SRGAP2: variants seen among roughly 807,000 people sequenced by gnomAD.
SRGAP2 encodes SLIT-ROBO Rho GTPase-activating protein 2.
SRGAP2 carries 15 observed loss-of-function variants against 57.2 expected under a neutral mutation model. That is an observed-to-expected ratio of 0.26 (90% CI 0.18 to 0.40). The LOEUF (loss-of-function observed/expected upper bound fraction) is 0.40. Ranked by LOEUF, SRGAP2 falls within the 10% of genes least tolerant of loss-of-function variation. The pLI is 1.00. For synonymous variants in SRGAP2, 249 were observed against 248.0 expected (o/e 1.00, Z -0.04); for missense variants, 520 against 669.6 (o/e 0.78, Z 2.47).
intron 2 of SRGAP2, among the ~76,000 whole-genome samples, chr1:206,285,757 T>A (rs1670989110): frequency 6.6e-6 from 1 of 151,354 alleles, no homozygotes; most frequent in African/African-American, 2.4e-5. Context: ...AATCTTTGCC[T>A]TGTGGGCTCA....
At chr1:206,223,111 T>G (rs1427472083) in intron 2 of SRGAP2, among the ~76,000 whole-genome samples, 1 of 150,974 alleles carries the variant, frequency 6.6e-6, no homozygotes, top group African/African-American at 2.4e-5. Flanking sequence ...GAGACAACTC[T>G]TTTAGGCCAT....
intron 21 of SRGAP2, among the ~76,000 whole-genome samples, chr1:206,457,607 A>G (rs1301283079): frequency 6.6e-6 from 1 of 152,154 alleles, no homozygotes; most frequent in Admixed American, 6.5e-5. Context: ...GAGTGGACAG[A>G]CTCACGGAGT....
At chr1:206,455,457 CAG>C (rs1553378098) in intron 21 of SRGAP2, 2 of 220,130 alleles carry the variant, frequency 9.1e-6, no homozygotes, top group Admixed American at 1.1e-4. Context: ...TGCAAAGATT[CAG>C]AGTCTGTGTG....
At chr1:206,355,486 C>G (rs1338502529) in intron 4 of SRGAP2, among the ~76,000 whole-genome samples, 3 of 151,740 alleles carry the variant, frequency 2.0e-5, no homozygotes, top group African/African-American at 4.8e-5. Context: ...ATAGTCTGAC[C>G]CTTCCATTTT....
chr1:206,221,391 A>AT (rs541951668), intron 2 of SRGAP2, among the ~76,000 whole-genome samples: 8,721 of 149,618 alleles, frequency 0.058, 833 homozygotes, highest in African/African-American at 0.2. Context: ...CAAAGAAACC[A>AT]TTTTTTTTTT....
At chr1:206,322,397 C>A (rs1353725984) in intron 3 of SRGAP2, among the ~76,000 whole-genome samples, 1 of 149,480 alleles carries the variant, frequency 6.7e-6, no homozygotes, top group African/African-American at 2.5e-5. Flanking sequence ...CACGGTGAAA[C>A]CCTGTCTCTA....
intron 2 of SRGAP2, among the ~76,000 whole-genome samples, chr1:206,302,444 A>G (rs1671926840): frequency 1.3e-5 from 2 of 151,626 alleles, no homozygotes; most frequent in African/African-American, 2.4e-5. Flanking sequence ...AGAAATCTGC[A>G]TGCTAGAGCT....
At chr1:206,302,220 A>T (rs1671912605) in intron 2 of SRGAP2, among the ~76,000 whole-genome samples, 1 of 137,610 alleles carries the variant, frequency 7.3e-6, no homozygotes, top group Non-Finnish European at 1.5e-5. Context: ...TCAGATGGGG[A>T]TTGGGACATA....
At chr1:206,240,977 A>G (rs1313166887) in intron 2 of SRGAP2, among the ~76,000 whole-genome samples, 26 of 152,278 alleles carry the variant, frequency 1.7e-4, no homozygotes, top group African/African-American at 6.3e-4. Context: ...TGAACCCAGG[A>G]GTTCGAGAGC....
rs1659430835 is a variant in SRGAP2, at chr1:206,413,846, TACAC to T, written c.1357-2039_1357-2036del. Among the ~76,000 whole-genome samples the T allele has an allele frequency of 4.6e-5, 7 of 152,258 alleles. No individual in the cohort carries two copies. In the South Asian group the frequency reaches 1.5e-3, roughly 32 times the overall value. On this transcript the variant is annotated intron_variant, in intron 10 of 22. Coordinates refer to ENST00000573034, the MANE Select transcript of SRGAP2 (RefSeq NM_015326.5). ...AGTGCTGTCATGGAGATTTGCATGGTACACACAGGACCATCTGGGTGAACATGGG... is the reference window on the plus strand; with the variant it reads ...AGTGCTGTCATGGAGATTTGCATGGTACAGGACCATCTGGGTGAACATGGG...
At chr1:206,373,023 TTCTTTTCTTTCTC>T (rs1654835282) in intron 4 of SRGAP2, among the ~76,000 whole-genome samples, 1 of 128,878 alleles carries the variant, frequency 7.8e-6, no homozygotes, top group Admixed American at 8.3e-5. Flanking sequence ...CTTTCTTTCT[TTCTTTTCTTTCTC>T]TCTCTCTCTC....
chr1:206,255,930 TC>T (rs1222872468), intron 2 of SRGAP2, among the ~76,000 whole-genome samples: 1 of 148,798 alleles, frequency 6.7e-6, no homozygotes, highest in Non-Finnish European at 1.5e-5. Flanking sequence ...ATGTGTTCGC[TC>T]CAGTCCTTGT....
At chr1:206,432,149 G>T (rs1553368501) in intron 14 of SRGAP2, among the ~76,000 whole-genome samples, 1 of 152,236 alleles carries the variant, frequency 6.6e-6, no homozygotes, top group African/African-American at 2.4e-5. Flanking sequence ...GCCTGAGGAA[G>T]ACATGATGGC....
chr1:206,424,237 C>T (rs1456062032), intron 13 of SRGAP2, among the ~76,000 whole-genome samples: 1 of 151,966 alleles, frequency 6.6e-6, no homozygotes, highest in African/African-American at 2.4e-5. Flanking sequence ...CTTAAAGGCC[C>T]CTTCTAACCC....
chr1:206,394,759 GC>G (rs1657406185), intron 7 of SRGAP2, among the ~76,000 whole-genome samples: 1 of 151,844 alleles, frequency 6.6e-6, no homozygotes, highest in African/African-American at 2.4e-5. Context: ...GTTATTCTTG[GC>G]CTTGTTTTTC....
intron 13 of SRGAP2, among the ~76,000 whole-genome samples, chr1:206,425,440 A>G (rs555435817): frequency 6.6e-6 from 1 of 152,298 alleles, no homozygotes; most frequent in African/African-American, 2.4e-5. Context: ...ATTATTAACT[A>G]TTATTATCCT....
rs71152469 is a variant in SRGAP2 at position 206,423,951 on chromosome 1, T to TG, written c.1494+2677_1494+2678insG. ...CACCACGCCTGGCTAATTTATGTAT[T>TG]TTTTTTTTTTTTTTTTTTTTTTATA... On this transcript the variant is annotated intron_variant, in intron 13 of 22. Coordinates refer to ENST00000573034, the MANE Select transcript of SRGAP2 (RefSeq NM_015326.5). 2.0e-3 allele frequency among the ~76,000 whole-genome samples: 236 copies of TG among 118,420 alleles called. 1 individual carries two copies. Among genetic ancestry groups the TG allele is most frequent in the African/African-American group, 9.0e-3 (213 of 23,546 alleles). 77.7% of individuals were successfully genotyped at this position (118,420 alleles called of 152,430 possible).
At chr1:206,456,520 A>T in intron 21 of SRGAP2, among the ~76,000 whole-genome samples, 1 of 152,224 alleles carries the variant, frequency 6.6e-6, no homozygotes, top group East Asian at 1.9e-4. Flanking sequence ...AGAGTTAGAT[A>T]ATTAGTTAAG....
intron 14 of SRGAP2, 118 bp from the exon 15 acceptor site, chr1:206,436,847 G>A (rs1661803760): frequency 1.4e-6 from 1 of 724,868 alleles, no homozygotes; most frequent in African/African-American, 1.7e-5. Flanking sequence ...GCCTAAAGAA[G>A]AGAGACAGCG....
Sources: gnomAD v4.1 joint callset for allele counts (sites outside exome capture counted in the v4.1 genomes callset) on GRCh38, gnomAD v4.1.1 for gene constraint, MANE v1.5 for transcripts, NCBI Gene and HGNC (gene_info 2026-07-23, HGNC 2026-07-21) for gene names.